The following CCDC7 variants were observed in gnomAD, a reference collection of about 807,000 sequenced individuals.
CCDC7 encodes the protein coiled-coil domain containing 7.
In CCDC7, 183 loss-of-function variants were observed where a neutral mutation model predicts 196.9. The ratio of observed to expected loss-of-function variants is 0.93; its 90% CI spans 0.82 to 1.05. The LOEUF (loss-of-function observed/expected upper bound fraction) is 1.05, where lower values mean the gene tolerates loss of function less well. Ranked by LOEUF, CCDC7 falls within the 50% of genes least tolerant of loss-of-function variation. The pLI, the probability that CCDC7 is intolerant of heterozygous loss-of-function variation, is 0.00. For missense variants in CCDC7, 1,540 were observed against 1,482.2 expected (o/e 1.04, Z -0.64); for synonymous variants, 525 against 484.6 (o/e 1.08, Z -1.10).
chr10:32,532,314 G>A (rs2135909603), intron 11 of CCDC7, among the ~76,000 whole-genome samples: 1 of 152,158 alleles, frequency 6.6e-6, no homozygotes, highest in South Asian at 2.1e-4. Context: ...TAGGAACGTG[G>A]TAACATCTAT....
intron 13 of CCDC7, among the ~76,000 whole-genome samples, chr10:32,546,995 CTCT>C (rs1236434845): frequency 1.3e-5 from 2 of 151,860 alleles, no homozygotes; most frequent in Admixed American, 6.6e-5. Context: ...CCTCCTCCTC[CTCT>C]TCTTCCTCTT....
intron 1 of CCDC7, among the ~76,000 whole-genome samples, chr10:32,452,529 C>T (rs1438347450): frequency 1.3e-5 from 2 of 152,244 alleles, no homozygotes; most frequent in Admixed American, 1.3e-4. Flanking sequence ...ATGATCTTGG[C>T]TCACTGCAAA....
chr10:32,508,554 G>T (rs1258674740), intron 9 of CCDC7, among the ~76,000 whole-genome samples: 1 of 152,096 alleles, frequency 6.6e-6, no homozygotes, highest in African/African-American at 2.4e-5. Flanking sequence ...AAATTCATAT[G>T]CAATTTCAAA....
In CCDC7 at chr10:32,451,894, C is replaced by A; in HGVS notation, c.252C>A (p.Ile84=). 3 of 1,610,752 alleles carry A rather than the reference C, an allele frequency of 1.9e-6. No individual in the cohort carries two copies. In the South Asian group the frequency reaches 3.3e-5, roughly 18 times the overall value. The change falls in exon 1 of 42, where the codon ATC becomes ATA. Residue 84 remains isoleucine, a synonymous_variant. Transcript: ENST00000639629. ...ACTTACTACCAGAAGATGAAATGAT[C>A]GGAAAAATTATCAAACATCTGAAGA... is the stretch of plus-strand genomic sequence containing the variant.
chr10:32,726,632 T>G (rs2083168289), intron 25 of CCDC7, 102 bp from the exon 27 acceptor site: 1 of 539,418 alleles, frequency 1.9e-6, no homozygotes, highest in Non-Finnish European at 3.3e-6. Context: ...GAAAAAATAT[T>G]GCTATATACT....
In CCDC7 at chr10:32,846,457, A is replaced by G. The variant is rs1188205577; in HGVS notation, c.3686A>G (p.Gln1229Arg). The G allele has an allele frequency of 1.9e-6, 3 of 1,573,016 alleles. No individual in the cohort carries two copies. In the South Asian group the frequency reaches 3.4e-5, roughly 18 times the overall value. ...ATCAGTGCACAATTAAAGAGTCACC[A>G]GGGTAAGAAAAATAATTTTTGAGTC... The change falls in exon 37 of 42, where the codon CAG (glutamine) becomes CGG (arginine). Residue 1229 changes from glutamine to arginine, a missense_variant and splice_region_variant. Gln to Arg is a conservative substitution (Grantham distance 43). Coordinates refer to ENST00000639629, the Ensembl canonical transcript of CCDC7.
chr10:32,834,413 G>A (rs1347271986), intron 32 of CCDC7, among the ~76,000 whole-genome samples: 1 of 151,974 alleles, frequency 6.6e-6, no homozygotes, highest in African/African-American at 2.4e-5. Flanking sequence ...GGATATGCTT[G>A]TATGAAGTAT....
chr10:32,619,764 A>T (rs78280844), intron 18 of CCDC7, among the ~76,000 whole-genome samples: 3,072 of 151,756 alleles, frequency 0.02, 108 homozygotes, highest in African/African-American at 0.07. Context: ...GTCTATTTTT[A>T]AAAAAAATTT....
chr10:32,845,800 C>T (rs912181658), intron 35 of CCDC7, 76 bp from the exon 37 acceptor site: 30 of 1,207,648 alleles, frequency 2.5e-5, no homozygotes, highest in East Asian at 9.4e-5. Context: ...CACACATACA[C>T]ACACACACAG....
intron 28 of CCDC7, among the ~76,000 whole-genome samples, chr10:32,759,948 A>G (rs1271704736): frequency 6.6e-6 from 1 of 152,064 alleles, no homozygotes; most frequent in East Asian, 1.9e-4. Flanking sequence ...ATGAACAGAC[A>G]CTTCTCAAAA....
chr10:32,779,424 C>T (rs1429473000), intron 29 of CCDC7, among the ~76,000 whole-genome samples: 3 of 152,026 alleles, frequency 2.0e-5, no homozygotes. Context: ...TTTCTTATAC[C>T]ATCTTTTGTA....
At chr10:32,710,009 C>T (rs2080553687) in intron 24 of CCDC7, among the ~76,000 whole-genome samples, 1 of 152,140 alleles carries the variant, frequency 6.6e-6, no homozygotes, top group African/African-American at 2.4e-5. Context: ...ATGGGTTTGC[C>T]AAAGTTGTCA....
At chr10:32,874,903 C>T (rs955570143) in intron 41 of CCDC7, among the ~76,000 whole-genome samples, 2 of 151,774 alleles carry the variant, frequency 1.3e-5, no homozygotes, top group African/African-American at 4.8e-5. Flanking sequence ...TGTAGGTTTT[C>T]TTCTAGAATT....
chr10:32,836,351 T>C (rs1290432904), intron 33 of CCDC7, among the ~76,000 whole-genome samples: 2 of 152,134 alleles, frequency 1.3e-5, no homozygotes, highest in African/African-American at 2.4e-5. Flanking sequence ...TTTTAAAATA[T>C]GATGAGTAAA....
At chr10:32,446,085 A>C (rs1157136767), upstream of CCDC7, 1 of 152,168 alleles carries the variant, frequency 6.6e-6, no homozygotes, top group African/African-American at 2.4e-5. Context: ...TCGCAGCGTC[A>C]GCGACGCCGG....
chr10:32,632,931 T>C (rs2139526335), intron 18 of CCDC7, among the ~76,000 whole-genome samples: 1 of 152,312 alleles, frequency 6.6e-6, no homozygotes, highest in South Asian at 2.1e-4. Flanking sequence ...GAGCCTTCTA[T>C]GGGTATCTGT....
intron 40 of CCDC7, 137 bp downstream of exon 41, chr10:32,852,069 G>A: frequency 2.4e-6 from 2 of 821,010 alleles, no homozygotes; most frequent in Non-Finnish European, 1.8e-6. Flanking sequence ...TGAGTTAAGT[G>A]CACCTAACAT....
chr10:32,611,411 G>A (rs1300014428), intron 18 of CCDC7, among the ~76,000 whole-genome samples: 1 of 152,142 alleles, frequency 6.6e-6, no homozygotes, highest in African/African-American at 2.4e-5. Flanking sequence ...CTATGCAGAA[G>A]CTCTTTAGTT....
At chr10:32,682,911 T>C (rs988988603) in intron 21 of CCDC7, among the ~76,000 whole-genome samples, 1 of 152,208 alleles carries the variant, frequency 6.6e-6, no homozygotes, top group Non-Finnish European at 1.5e-5. Context: ...GTTAGATGCA[T>C]AGTTTGAGAA....
Sources: allele counts gnomAD v4.1 joint callset (sites outside exome capture counted in the v4.1 genomes callset), GRCh38; gene constraint gnomAD v4.1.1; transcripts MANE v1.5; gene names NCBI Gene and HGNC (gene_info 2026-07-23, HGNC 2026-07-21).